The following RPL18A variants were observed in gnomAD, a reference collection of about 807,000 sequenced individuals.
RPL18A encodes large ribosomal subunit protein eL20.
For missense variants in RPL18A, 163 were observed against 254.1 expected (o/e 0.64, Z 2.44); for synonymous variants, 122 against 96.9 (o/e 1.26, Z -1.52).
chr19:17,860,330 G>A, intron 1 of RPL18A: 3 of 317,250 alleles, frequency 9.5e-6, no homozygotes, highest in South Asian at 5.7e-5. Flanking sequence ...GCAATAGTGT[G>A]TTTTCTTTCT....
chr19:17,861,866 C>T (rs952650313), intron 2 of RPL18A: 6 of 582,296 alleles, frequency 1.0e-5, no homozygotes, highest in South Asian at 6.5e-5. Flanking sequence ...GGTTGGTGTC[C>T]GTGGCAGAAG....
At chr19:17,861,078 C>T (rs1192582169) in intron 1 of RPL18A, 1 of 566,516 alleles carries the variant, frequency 1.8e-6, no homozygotes, top group East Asian at 3.0e-5. Flanking sequence ...TCAATTAATC[C>T]TCCCTGGAGA....
chr19:17,860,032 G>A, intron 1 of RPL18A, 58 bp downstream of exon 1: 3 of 1,437,538 alleles, frequency 2.1e-6, no homozygotes, highest in Non-Finnish European at 1.8e-6. Flanking sequence ...CCCATCAGGG[G>A]CCTGCATAAG....
At position 17,863,002 on chromosome 19, in the gene RPL18A, G is replaced by A. The variant is rs138798482; in HGVS notation, c.413G>A (p.Arg138His). 8.1e-6 allele frequency: 13 copies of A among 1,611,760 alleles called. No homozygotes were observed. The highest frequency in any genetic ancestry group is 1.3e-5 in the African/African-American group (1 of 74,970). Residue 138 changes from arginine to histidine, a missense_variant, in exon 4 of 5, where the codon CGC (arginine) becomes CAC (histidine). Transcript: ENST00000222247. ...GAGGAGATCGCGGCCAGCAAGTGCC[G>A]CCGGCCGGCTGTCAAGCAGTTCCAC... The part of the protein sequence containing the change: ...KVEEIAASKC[R>H]RPAVKQFHDS...
chr19:17,860,543 A>G (rs1218470480), intron 1 of RPL18A, among the ~76,000 whole-genome samples: 2 of 152,180 alleles, frequency 1.3e-5, no homozygotes, highest in South Asian at 2.1e-4. Context: ...GGCGGGCCCC[A>G]TTGTTCCCTT....
chr19:17,862,494 C>G (rs1354580253), intron 3 of RPL18A: 1 of 686,998 alleles, frequency 1.5e-6, no homozygotes, highest in East Asian at 2.7e-5. Flanking sequence ...CTGGGACCCA[C>G]TGAGAACCGA....
chr19:17,861,190 T>G lies in RPL18A; in HGVS notation c.19-103T>G. ...GAGGCCCTAGGGTGGCCCTGCCTCCTGCTTCCCGAATCTGTGGTCACTAGA... is the reference window on the plus strand; with the variant it reads ...GAGGCCCTAGGGTGGCCCTGCCTCCGGCTTCCCGAATCTGTGGTCACTAGA... On this transcript the variant is annotated intron_variant, in intron 1 of 4. Transcript: ENST00000222247. The G allele has an allele frequency of 2.6e-6, 3 of 1,143,444 alleles. No individual in the cohort carries two copies. The South Asian group carries it at 4.1e-5, about 15-fold the overall frequency. 70.8% of individuals were successfully genotyped at this position (1,143,444 alleles called of 1,614,324 possible).
intron 1 of RPL18A, chr19:17,860,938 T>C (rs1460206390): frequency 3.5e-6 from 1 of 283,284 alleles, no homozygotes; most frequent in African/African-American, 2.2e-5. Flanking sequence ...TGTTTTGAGG[T>C]GCAGAGTGGC....
intron 3 of RPL18A, 132 bp from the exon 4 acceptor site, chr19:17,862,786 G>A (rs1041594150): frequency 5.2e-6 from 4 of 766,178 alleles, no homozygotes; most frequent in Admixed American, 1.7e-5. Context: ...CCACCTTCCC[G>A]TGAGCCCCGA....
At chr19:17,862,307 G>T in intron 3 of RPL18A, 84 bp downstream of exon 3, 1 of 1,507,768 alleles carries the variant, frequency 6.6e-7, no homozygotes, top group East Asian at 2.3e-5. Flanking sequence ...GAGGTTCCCA[G>T]TGCAGGAGAG....
In RPL18A at chr19:17,860,311, G is replaced by A. The variant is rs59508068; in HGVS notation, c.18+337G>A. On this transcript the variant is annotated intron_variant, in intron 1 of 4. Coordinates refer to ENST00000222247, the MANE Select transcript of RPL18A (RefSeq NM_000980.4). ...GTTTTCCTTTCTGCAACGTGGACGT[G>A]GCGGTAGAGCAATAGTGTGTTTTCT... 3,522 of 392,868 alleles carry A rather than the reference G, an allele frequency of 9.0e-3. 95 individuals are homozygous for A. Among genetic ancestry groups the A allele is most frequent in the African/African-American group, 0.067 (3,173 of 47,318 alleles). 24.3% of individuals were successfully genotyped at this position (392,868 alleles called of 1,614,324 possible). A position where few individuals can be genotyped will look rare whatever the true frequency, so the allele number is the denominator to read the frequency against.
rs1474111387 is a variant in RPL18A, at chr19:17,862,942, G to A, written c.353G>A (p.Arg118His). 5 of 1,611,486 alleles carry A rather than the reference G, an allele frequency of 3.1e-6. No homozygotes were observed. Among genetic ancestry groups the A allele is most frequent in the Non-Finnish European group, 4.2e-6 (5 of 1,179,150 alleles). The change falls in exon 4 of 5, where the codon CGC (arginine) becomes CAC (histidine). Residue 118 changes from arginine to histidine, a missense_variant. By Grantham distance (29) the Arg-to-His change is conservative. Coordinates refer to ENST00000222247, the MANE Select transcript of RPL18A (RefSeq NM_000980.4). ...QCYRDMGARH[R>H]ARAHSIQIMK... Reference sequence around the variant, plus strand: ...GACCGAGACATGGGTGCCCGGCACCGCGCCCGAGCCCACTCCATTCAGATC... The same window carrying A: ...GACCGAGACATGGGTGCCCGGCACCACGCCCGAGCCCACTCCATTCAGATC...
chr19:17,860,174 A>G (rs2094274574), intron 1 of RPL18A, 200 bp downstream of exon 1: 2 of 531,080 alleles, frequency 3.8e-6, no homozygotes, highest in Non-Finnish European at 6.5e-6. Context: ...GACCTGGGCC[A>G]GCTCAGGGAT....
chr19:17,862,630 T>C (rs1306315243), intron 3 of RPL18A: 1 of 723,574 alleles, frequency 1.4e-6, no homozygotes. Flanking sequence ...ATAGCGGTGG[T>C]TTAAACAGAG....
intron 3 of RPL18A, chr19:17,862,629 G>C (rs1396683803): frequency 2.8e-6 from 2 of 725,540 alleles, no homozygotes; most frequent in South Asian, 2.7e-5. Context: ...TATAGCGGTG[G>C]TTTAAACAGA....
chr19:17,860,115 C>G, intron 1 of RPL18A, 141 bp downstream of exon 1: 1 of 698,216 alleles, frequency 1.4e-6, no homozygotes, highest in Non-Finnish European at 2.2e-6. Context: ...TCTCTTGTTG[C>G]ACCCAACATG....
intron 2 of RPL18A, chr19:17,861,780 C>A (rs2094277861): frequency 1.8e-6 from 1 of 542,096 alleles, no homozygotes; most frequent in African/African-American, 1.9e-5. Context: ...TGATGGCTAT[C>A]TGGTCAGTGG....
At chr19:17,863,089 G>T in intron 4 of RPL18A, 62 bp downstream of exon 4, 1 of 1,551,716 alleles carries the variant, frequency 6.4e-7, no homozygotes, top group Non-Finnish European at 8.9e-7. Context: ...AGCCCAGTGG[G>T]GGGCGGCTAC....
At chr19:17,861,633 G>C in intron 2 of RPL18A, 161 bp downstream of exon 2, 1 of 636,466 alleles carries the variant, frequency 1.6e-6, no homozygotes, top group Non-Finnish European at 2.7e-6. Context: ...TTCTGCCTGG[G>C]TCACGGGACT....
Sources: gnomAD v4.1 joint callset for allele counts (sites outside exome capture counted in the v4.1 genomes callset) on GRCh38, gnomAD v4.1.1 for gene constraint, MANE v1.5 for transcripts, NCBI Gene and HGNC (gene_info 2026-07-23, HGNC 2026-07-21) for gene names.